Variants in CSMD3 observed in about 807,000 individuals in gnomAD.
CSMD3 encodes CUB and sushi domain-containing protein 3.
CSMD3 carries 177 observed loss-of-function variants against 435.2 expected under a neutral mutation model. The observed-to-expected ratio is 0.41, with a 90% CI of 0.36 to 0.46. CSMD3 has a LOEUF of 0.46. CSMD3 is among the 20% of genes least tolerant of loss of function. The pLI, the probability that CSMD3 is intolerant of heterozygous loss-of-function variation, is 0.34. For missense variants in CSMD3, 4,265 were observed against 4,504.6 expected (o/e 0.95, Z 1.52); for synonymous variants, 1,656 against 1,520.5 (o/e 1.09, Z -2.07).
At chr8:113,058,792 C>T (rs1317137386) in intron 5 of CSMD3, among the ~76,000 whole-genome samples, 1 of 151,846 alleles carries the variant, frequency 6.6e-6, no homozygotes, top group African/African-American at 2.4e-5. Flanking sequence ...TTTTAAAGTG[C>T]TGAAAGAGCC....
intron 42 of CSMD3, among the ~76,000 whole-genome samples, chr8:112,340,782 C>T (rs1218321729): frequency 6.6e-6 from 1 of 152,040 alleles, no homozygotes; most frequent in East Asian, 1.9e-4. Context: ...ACCTTACATA[C>T]ATTTTTTAAT....
Position 112,713,827 on chromosome 8 carries a change from C to T in CSMD3, c.1973-23777G>A, listed in dbSNP as rs192032545. On this transcript the variant is annotated intron_variant, in intron 13 of 70. Coordinates refer to ENST00000297405, the MANE Select transcript of CSMD3 (RefSeq NM_198123.2). ...GAATTTCATATCCAGCCAAACTAAG[C>T]TTCATAAGGGAAGGAGAAATAACCT... 2.1e-3 allele frequency among the ~76,000 whole-genome samples: 318 copies of T among 152,146 alleles called. 1 individual carries two copies. The highest frequency in any genetic ancestry group is 7.4e-3 in the African/African-American group (306 of 41,504).
intron 10 of CSMD3, among the ~76,000 whole-genome samples, chr8:112,874,039 G>T (rs902402344): frequency 6.6e-6 from 1 of 152,024 alleles, no homozygotes; most frequent in African/African-American, 2.4e-5. Flanking sequence ...TTGTCCTGTG[G>T]GCATTTAGTG....
intron 2 of CSMD3, among the ~76,000 whole-genome samples, chr8:113,280,287 T>G (rs1337866026): frequency 6.6e-6 from 1 of 151,940 alleles, no homozygotes; most frequent in Non-Finnish European, 1.5e-5. Context: ...TGAATCTGTC[T>G]GGTCTTGGAC....
At chr8:112,674,081 C>T (rs1489660877) in intron 16 of CSMD3, among the ~76,000 whole-genome samples, 1 of 152,048 alleles carries the variant, frequency 6.6e-6, no homozygotes, top group East Asian at 1.9e-4. Context: ...AAACTGTTAT[C>T]TCATTCTCTC....
In CSMD3 at chr8:112,647,580, A is replaced by AC. The variant is rs1319089928; in HGVS notation, c.3194-2356dup. On this transcript the variant is annotated intron_variant, in intron 19 of 70. Transcript: ENST00000297405. ...CTCTGCCTCCCAAAGTGCTGGGATT[A>AC]CAGGCGTAAGCCACCGCACCAGGCC... 2.0e-4 allele frequency among the ~76,000 whole-genome samples: 30 copies of AC among 152,280 alleles called. 1 individual carries two copies. Among genetic ancestry groups the AC allele is most frequent in the African/African-American group, 6.3e-4 (26 of 41,570 alleles).
In CSMD3 at chr8:112,800,147, G is replaced by T. The variant is rs750749777; in HGVS notation, c.1972+15C>A. ...GTATTAAGATAACATTTCCTATGTA[G>T]AAATTAATCATTACCTTTGTAGTTA... On this transcript the variant is annotated intron_variant, in intron 13 of 70. Transcript: ENST00000297405. 1.3e-6 allele frequency: 2 copies of T among 1,500,690 alleles called. No individual in the cohort carries two copies. The highest frequency in any genetic ancestry group is 4.5e-5 in the East Asian group (2 of 44,260). 93.0% of individuals were successfully genotyped at this position (1,500,690 alleles called of 1,614,324 possible).
At chr8:112,365,975 C>G (rs1022113466) in intron 38 of CSMD3, among the ~76,000 whole-genome samples, 1 of 152,150 alleles carries the variant, frequency 6.6e-6, no homozygotes, top group African/African-American at 2.4e-5. Flanking sequence ...GAGAACAAAG[C>G]TTTCAATTTC....
intron 37 of CSMD3, 79 bp from the exon 38 acceptor site, chr8:112,380,535 C>A: frequency 1.3e-6 from 1 of 785,282 alleles, no homozygotes; most frequent in South Asian, 1.4e-5. Flanking sequence ...TACTAATCAG[C>A]CAATAGAATA....
intron 38 of CSMD3, among the ~76,000 whole-genome samples, chr8:112,354,752 TTG>T (rs1826434121): frequency 1.3e-5 from 2 of 152,208 alleles, no homozygotes; most frequent in Non-Finnish European, 2.9e-5. Context: ...AGAATCAATA[TTG>T]TTAAAATGAC....
At chr8:112,609,289 A>G (rs1833065935) in intron 22 of CSMD3, among the ~76,000 whole-genome samples, 1 of 151,408 alleles carries the variant, frequency 6.6e-6, no homozygotes, top group Admixed American at 6.6e-5. Context: ...TATACATTAA[A>G]TTCAAGAAAC....
intron 38 of CSMD3, among the ~76,000 whole-genome samples, chr8:112,359,449 G>A (rs1384170452): frequency 6.6e-6 from 1 of 152,160 alleles, no homozygotes; most frequent in Non-Finnish European, 1.5e-5. Flanking sequence ...AGAGAACAGT[G>A]TCTTGAGGAG....
At chr8:112,824,039 C>T (rs1587400174) in intron 12 of CSMD3, among the ~76,000 whole-genome samples, 1 of 152,242 alleles carries the variant, frequency 6.6e-6, no homozygotes, top group East Asian at 1.9e-4. Context: ...GGATAGTTAG[C>T]TCCTCATGTT....
intron 13 of CSMD3, among the ~76,000 whole-genome samples, chr8:112,693,032 T>C (rs1019563082): frequency 1.3e-5 from 2 of 151,882 alleles, no homozygotes; most frequent in African/African-American, 2.4e-5. Context: ...AAAGCACCCA[T>C]TGGGGCTATT....
intron 22 of CSMD3, among the ~76,000 whole-genome samples, chr8:112,631,245 G>A (rs1291666344): frequency 3.3e-5 from 5 of 152,148 alleles, no homozygotes; most frequent in Non-Finnish European, 5.9e-5. Context: ...TGTAAATAAA[G>A]TTTTGTTGGA....
intron 13 of CSMD3, among the ~76,000 whole-genome samples, chr8:112,730,546 C>T (rs548199066): frequency 6.6e-6 from 1 of 152,162 alleles, no homozygotes; most frequent in Admixed American, 6.6e-5. Flanking sequence ...TGAATATTTA[C>T]TTCATTTGTT....
At chr8:112,637,497 G>C (rs1324940031) in intron 21 of CSMD3, among the ~76,000 whole-genome samples, 4 of 152,080 alleles carry the variant, frequency 2.6e-5, no homozygotes, top group Admixed American at 6.6e-5. Context: ...CATGATTTGA[G>C]ATGCAAGGGT....
At chr8:112,508,586 T>G (rs939196550) in intron 28 of CSMD3, among the ~76,000 whole-genome samples, 2 of 152,142 alleles carry the variant, frequency 1.3e-5, no homozygotes, top group African/African-American at 4.8e-5. Flanking sequence ...CATCTACTAT[T>G]CAATCAGGCT....
intron 9 of CSMD3, among the ~76,000 whole-genome samples, chr8:112,940,423 T>A (rs529356579): frequency 6.6e-6 from 1 of 151,880 alleles, no homozygotes; most frequent in East Asian, 1.9e-4. Context: ...AGAAAAGGCA[T>A]CAATTAAGGC....
Sources: gnomAD v4.1 joint callset for allele counts (sites outside exome capture counted in the v4.1 genomes callset) on GRCh38, gnomAD v4.1.1 for gene constraint, MANE v1.5 for transcripts, NCBI Gene and HGNC (gene_info 2026-07-23, HGNC 2026-07-21) for gene names.